PPP1R9A: variants seen among roughly 807,000 people sequenced by gnomAD.
PPP1R9A encodes protein phosphatase 1 regulatory subunit 9A.
PPP1R9A carries 59 observed loss-of-function variants against 141.9 expected under a neutral mutation model. That is an observed-to-expected ratio of 0.42 (90% CI 0.34 to 0.52). The LOEUF (loss-of-function observed/expected upper bound fraction) is 0.52. PPP1R9A is among the 20% of genes least tolerant of loss of function. The probability of loss-of-function intolerance (pLI) is 0.10; values close to 1 mark genes in which losing one functional copy is unlikely to be tolerated. For missense variants in PPP1R9A, 1,444 were observed against 1,611.9 expected, an observed-to-expected ratio of 0.90 and a Z score of 1.78; for synonymous variants, 500 against 569.7, an observed-to-expected ratio of 0.88 and a Z score of 1.74.
At chr7:95,247,579 TGAA>T in intron 9 of PPP1R9A, 53 bp downstream of exon 9, 1 of 1,397,910 alleles carries the variant, frequency 7.2e-7, no homozygotes, top group Non-Finnish European at 1.0e-6. Context: ...TCAGATACTA[TGAA>T]TAAATCCAAT....
intron 6 of PPP1R9A, among the ~76,000 whole-genome samples, chr7:95,199,080 T>A (rs1430659211): frequency 6.6e-6 from 1 of 152,192 alleles, no homozygotes; most frequent in Admixed American, 6.5e-5. Flanking sequence ...TAATTTTACA[T>A]CCTGCTTTCT....
chr7:95,115,398 G>A (rs979828234), intron 3 of PPP1R9A, among the ~76,000 whole-genome samples: 2 of 152,030 alleles, frequency 1.3e-5, no homozygotes, highest in African/African-American at 4.8e-5. Context: ...ACATTAAAAT[G>A]TCATCACAAC....
At chr7:95,184,001 AG>A (rs1222799748) in intron 5 of PPP1R9A, among the ~76,000 whole-genome samples, 1 of 152,134 alleles carries the variant, frequency 6.6e-6, no homozygotes, top group Non-Finnish European at 1.5e-5. Context: ...GTATGTAGTA[AG>A]GTATATTAAT....
At chr7:95,096,608 A>G (rs933844247) in intron 2 of PPP1R9A, among the ~76,000 whole-genome samples, 1 of 152,136 alleles carries the variant, frequency 6.6e-6, no homozygotes, top group African/African-American at 2.4e-5. Context: ...CCATTCTCTG[A>G]AAGACAAATG....
At chr7:95,270,761 G>C (rs536649660) in intron 14 of PPP1R9A, among the ~76,000 whole-genome samples, 13 of 152,078 alleles carry the variant, frequency 8.5e-5, no homozygotes, top group Non-Finnish European at 1.9e-4. Flanking sequence ...AATTACTAGA[G>C]ATTATTATTC....
intron 2 of PPP1R9A, among the ~76,000 whole-genome samples, chr7:95,061,192 C>T (rs781101035): frequency 6.6e-6 from 1 of 152,210 alleles, no homozygotes; most frequent in Non-Finnish European, 1.5e-5. Flanking sequence ...ATTTTCTGAA[C>T]TTCTTGCCTT....
rs574539142 is a variant in PPP1R9A, at chr7:95,233,959, A to G, written c.2112+7843A>G. On this transcript the variant is annotated intron_variant, in intron 8 of 19. Coordinates refer to ENST00000433360, the MANE Select transcript of PPP1R9A (RefSeq NM_001166160.2). ...GGTCATCTCAATAGATGCAGAAAAAAGCATTTGACAGAATCCAGCATCCCT... is the reference window on the plus strand; with the variant it reads ...GGTCATCTCAATAGATGCAGAAAAAGGCATTTGACAGAATCCAGCATCCCT... 1.2e-4 allele frequency among the ~76,000 whole-genome samples: 19 copies of G among 152,344 alleles called. 1 individual carries two copies. The South Asian group carries it at 3.7e-3, about 30-fold the overall frequency.
chr7:94,999,204 A>G (rs991081812), intron 2 of PPP1R9A, among the ~76,000 whole-genome samples: 12 of 152,200 alleles, frequency 7.9e-5, no homozygotes, highest in African/African-American at 1.2e-4. Context: ...GAAGTTTCAT[A>G]TTGAAGGAAG....
chr7:94,924,493 T>C (rs1305250572), intron 2 of PPP1R9A, among the ~76,000 whole-genome samples: 1 of 152,170 alleles, frequency 6.6e-6, no homozygotes, highest in East Asian at 1.9e-4. Context: ...CAATTCTTTA[T>C]TTATTTAGTT....
rs146835570 is a variant in PPP1R9A, at chr7:95,192,535, A to G, written c.1755-5814A>G. 3.9e-3 allele frequency among the ~76,000 whole-genome samples: 592 copies of G among 152,176 alleles called. 3 individuals carry two copies. The highest frequency in any genetic ancestry group is 0.022 in the South Asian group (104 of 4,832). ...AAATGCATTTGGCCTTGTCTAGATT[A>G]AAACAACAGCTTACATTTATTAAAC... On this transcript the variant is annotated intron_variant, in intron 5 of 19. Coordinates refer to ENST00000433360, the MANE Select transcript of PPP1R9A (RefSeq NM_001166160.2).
At chr7:95,178,633 C>T (rs1418895577) in intron 5 of PPP1R9A, among the ~76,000 whole-genome samples, 1 of 151,792 alleles carries the variant, frequency 6.6e-6, no homozygotes, top group East Asian at 1.9e-4. Context: ...CCATTAGCAA[C>T]ATTAACCAAG....
intron 2 of PPP1R9A, among the ~76,000 whole-genome samples, chr7:94,920,366 A>T (rs1792632681): frequency 6.7e-6 from 1 of 149,018 alleles, no homozygotes; most frequent in African/African-American, 2.5e-5. Context: ...AATATTGATA[A>T]TTTTTTTTTT....
At chr7:95,241,309 C>G (rs1797423683) in intron 8 of PPP1R9A, among the ~76,000 whole-genome samples, 1 of 152,116 alleles carries the variant, frequency 6.6e-6, no homozygotes, top group Non-Finnish European at 1.5e-5. Flanking sequence ...AGTTAGAGAG[C>G]CCAGTTTGAG....
At chr7:94,931,791 T>C (rs912969357) in intron 2 of PPP1R9A, among the ~76,000 whole-genome samples, 17 of 152,306 alleles carry the variant, frequency 1.1e-4, no homozygotes, top group Admixed American at 1.0e-3. Flanking sequence ...TTGGTCAGGC[T>C]GGTCTCGAAC....
At chr7:94,991,004 G>A (rs1414429788) in intron 2 of PPP1R9A, among the ~76,000 whole-genome samples, 1 of 152,052 alleles carries the variant, frequency 6.6e-6, no homozygotes, top group Admixed American at 6.6e-5. Flanking sequence ...GCTGTAGTAA[G>A]TAAGTATAGG....
intron 8 of PPP1R9A, among the ~76,000 whole-genome samples, chr7:95,241,708 G>A (rs1797494641): frequency 1.3e-5 from 2 of 152,034 alleles, no homozygotes; most frequent in African/African-American, 4.8e-5. Context: ...AAAAAATGGA[G>A]TCTAAAAGTT....
chr7:95,217,721 T>G (rs1312090904), intron 7 of PPP1R9A, among the ~76,000 whole-genome samples: 6 of 152,212 alleles, frequency 3.9e-5, no homozygotes, highest in Admixed American at 3.9e-4. Context: ...GTCTGGGAAT[T>G]TATCCATTTC....
chr7:95,014,248 A>C (rs1417627950), intron 2 of PPP1R9A, among the ~76,000 whole-genome samples: 1 of 152,116 alleles, frequency 6.6e-6, no homozygotes, highest in Non-Finnish European at 1.5e-5. Flanking sequence ...ATCTAGGCTC[A>C]GACATTAATT....
chr7:95,067,022 A>G (rs1023474213), intron 2 of PPP1R9A, among the ~76,000 whole-genome samples: 5 of 152,254 alleles, frequency 3.3e-5, no homozygotes, highest in African/African-American at 1.2e-4. Context: ...CAAAGAAAGG[A>G]GAAAACAGAG....
Sources: gnomAD v4.1 joint callset for allele counts (sites outside exome capture counted in the v4.1 genomes callset) on GRCh38, gnomAD v4.1.1 for gene constraint, MANE v1.5 for transcripts, NCBI Gene and HGNC (gene_info 2026-07-23, HGNC 2026-07-21) for gene names.